TMC2: variants seen among roughly 807,000 people sequenced by gnomAD.
The protein encoded by TMC2 is transmembrane channel like 2.
TMC2 carries 102 observed loss-of-function variants against 105.9 expected under a neutral mutation model. The ratio of observed to expected loss-of-function variants is 0.96; its 90% CI spans 0.82 to 1.14. The LOEUF (loss-of-function observed/expected upper bound fraction) is 1.14. TMC2 is among the 50% of genes most tolerant of loss of function. TMC2 has a pLI of 0.00. For synonymous variants in TMC2, 402 were observed against 422.8 expected, an observed-to-expected ratio of 0.95 and a Z score of 0.60; for missense variants, 1,093 against 1,134.3, an observed-to-expected ratio of 0.96 and a Z score of 0.52.
chr20:2,589,788 G>A (rs946257808), intron 7 of TMC2, among the ~76,000 whole-genome samples: 5 of 152,116 alleles, frequency 3.3e-5, no homozygotes, highest in African/African-American at 1.2e-4. Flanking sequence ...TCCTGCCTCA[G>A]CCTCCCAAGT....
In TMC2 at chr20:2,558,626, G is replaced by C; in HGVS notation, c.253G>C (p.Glu85Gln). 3 of 1,564,644 alleles carry C rather than the reference G, an allele frequency of 1.9e-6. No individual in the cohort carries two copies. Among genetic ancestry groups the C allele is most frequent in the Middle Eastern group, 1.7e-4 (1 of 5,978 alleles). ...GRRRHREELG[E>Q]QERGEAERTC... is the part of the protein sequence containing the mutation. The stretch of plus-strand genomic sequence containing the variant: ...CAGGAGACACAGAGAAGAGCTGGGG[G>C]AGCAGGAGCGGGGCGAGGCAGAGAG... The change falls in exon 3 of 20, where the codon GAG (glutamate) becomes CAG (glutamine). Residue 85 changes from glutamate (E) to glutamine (Q), a missense_variant. Coordinates refer to ENST00000358864, the MANE Select transcript of TMC2 (RefSeq NM_080751.3). The surrounding 1 kb of genome is among the most constrained non-coding windows in gnomAD (Gnocchi z 4.6).
At chr20:2,549,338 G>A (rs1362900191) in intron 2 of TMC2, among the ~76,000 whole-genome samples, 2 of 152,158 alleles carry the variant, frequency 1.3e-5, no homozygotes, top group African/African-American at 2.4e-5. Context: ...TTATAGGCAC[G>A]AGCCACCGTG....
Position 2,558,445 on chromosome 20 carries a change from C to T in TMC2, c.83-11C>T, listed in dbSNP as rs1326147404. 3 of 1,552,628 alleles carry T rather than the reference C, an allele frequency of 1.9e-6. No homozygotes were observed. The highest frequency in any genetic ancestry group is 2.4e-5 in the South Asian group (2 of 84,106). On this transcript the variant is annotated splice_polypyrimidine_tract_variant and intron_variant, in intron 2 of 19. Coordinates refer to ENST00000358864, the MANE Select transcript of TMC2 (RefSeq NM_080751.3). The surrounding 1 kb of genome is among the most constrained non-coding windows in gnomAD (Gnocchi z 4.6). ...TTGGAACCAGAACTGTCCATTTTCC[C>T]GCCCCGGCAGGTGACAGGCTGGGAA...
chr20:2,591,656 C>T (rs1459786146), intron 7 of TMC2, among the ~76,000 whole-genome samples: 1 of 151,004 alleles, frequency 6.6e-6, no homozygotes, highest in African/African-American at 2.4e-5. Flanking sequence ...TGCAATGAGC[C>T]GAGATGGAGC....
At chr20:2,560,268 A>C (rs988370852) in intron 3 of TMC2, among the ~76,000 whole-genome samples, 2 of 23,816 alleles carry the variant, frequency 8.4e-5, no homozygotes, top group Admixed American at 3.8e-4. Flanking sequence ...AAGTATGGCA[A>C]AAAAAAAAAA....
At chr20:2,564,365 T>C (rs6036982) in intron 4 of TMC2, among the ~76,000 whole-genome samples, 99,765 of 151,736 alleles carry the variant, frequency 0.66, 33,543 homozygotes, top group African/African-American at 0.8. Flanking sequence ...TTAGCCAGGA[T>C]GGTCTCAATC....
At chr20:2,595,156 A>G (rs1292767142) in intron 9 of TMC2, among the ~76,000 whole-genome samples, 189 bp downstream of exon 9, 2 of 152,214 alleles carry the variant, frequency 1.3e-5, no homozygotes, top group Non-Finnish European at 1.5e-5. Context: ...TGTGCTGGGA[A>G]ATAGGATTGA....
rs147269126 is a variant in TMC2 at position 2,630,194 on chromosome 20, A to T, written c.2307-5732A>T. 2.4e-3 allele frequency among the ~76,000 whole-genome samples: 372 copies of T among 152,324 alleles called. 1 individual carries two copies. Among genetic ancestry groups the T allele is most frequent in the African/African-American group, 8.6e-3 (359 of 41,576 alleles). ...GCCTTGATAAATTCAAGGCTCAGGA[A>T]AAGGAGTCGATTGCATTGGATAGAA... On this transcript the variant is annotated intron_variant, in intron 17 of 19. Transcript: ENST00000358864.
intron 4 of TMC2, among the ~76,000 whole-genome samples, chr20:2,571,794 G>T (rs2086105076): frequency 6.6e-6 from 1 of 152,022 alleles, no homozygotes; most frequent in South Asian, 2.1e-4. Flanking sequence ...GAGCTCAGGA[G>T]GTCAAGAGCA....
intron 17 of TMC2, among the ~76,000 whole-genome samples, chr20:2,631,858 T>C (rs1467746981): frequency 6.6e-6 from 1 of 152,196 alleles, no homozygotes; most frequent in Non-Finnish European, 1.5e-5. Flanking sequence ...TATTCAAATA[T>C]TCTTTCTGAC....
At chr20:2,547,032 A>G (rs1331020712) in intron 2 of TMC2, among the ~76,000 whole-genome samples, 2 of 152,234 alleles carry the variant, frequency 1.3e-5, no homozygotes, top group African/African-American at 4.8e-5. Flanking sequence ...ATCTTGAAGT[A>G]TAACATATAA....
At position 2,558,626 on chromosome 20, in the gene TMC2, G is replaced by T; in HGVS notation, c.253G>T (p.Glu85Ter). ...GRRRHREELG[E>*]QERGEAERTC... is the part of the protein sequence containing the mutation. ...CAGGAGACACAGAGAAGAGCTGGGGGAGCAGGAGCGGGGCGAGGCAGAGAG... is the reference window on the plus strand; with the variant it reads ...CAGGAGACACAGAGAAGAGCTGGGGTAGCAGGAGCGGGGCGAGGCAGAGAG... The change falls in exon 3 of 20, where the codon GAG (glutamate) becomes TAG (stop). Residue 85 changes from glutamate to a stop codon, truncating the protein, a stop_gained. Transcript: ENST00000358864. LOFTEE classifies it high-confidence loss of function. The surrounding 1 kb of genome is among the most constrained non-coding windows in gnomAD (Gnocchi z 4.6). The T allele has an allele frequency of 6.4e-7, 1 of 1,564,644 alleles. No homozygotes were observed. Among genetic ancestry groups the T allele is most frequent in the Non-Finnish European group, 8.7e-7 (1 of 1,154,168 alleles).
Position 2,592,709 on chromosome 20 carries a change from C to T in TMC2, c.933+301C>T, listed in dbSNP as rs1453057151. Among the ~76,000 whole-genome samples the T allele has an allele frequency of 1.3e-5, 2 of 152,174 alleles. No individual in the cohort carries two copies. The highest frequency in any genetic ancestry group is 4.8e-5 in the African/African-American group (2 of 41,434). ...GTATGCTTTTCTTTCCTCATTCCCACATTAAGACCCCAGATCTATCTCCAC... is the reference window on the plus strand; with the variant it reads ...GTATGCTTTTCTTTCCTCATTCCCATATTAAGACCCCAGATCTATCTCCAC... On this transcript the variant is annotated intron_variant, in intron 8 of 19. Transcript: ENST00000358864. The surrounding 1 kb of genome is among the most constrained non-coding windows in gnomAD (Gnocchi z 4.9).
chr20:2,607,647 T>C (rs898351372), intron 11 of TMC2, among the ~76,000 whole-genome samples: 32 of 152,262 alleles, frequency 2.1e-4, no homozygotes, highest in African/African-American at 7.7e-4. Context: ...CTGTTTCTCT[T>C]GACCTTCTCT....
chr20:2,612,175 C>T lies in TMC2; in HGVS notation c.1594-16C>T, dbSNP rs2086445007. 4.4e-6 allele frequency: 7 copies of T among 1,578,422 alleles called. No homozygotes were observed. In the East Asian group the frequency reaches 1.4e-4, roughly 31 times the overall value. Reference sequence around the variant, plus strand: ...CCTAGCTCCTTCCTACCCCACACCTCCATCTTCTGTTCTAGCTTGCTAATG... The same window carrying T: ...CCTAGCTCCTTCCTACCCCACACCTTCATCTTCTGTTCTAGCTTGCTAATG... On this transcript the variant is annotated splice_polypyrimidine_tract_variant and intron_variant, in intron 12 of 19. Coordinates refer to ENST00000358864, the MANE Select transcript of TMC2 (RefSeq NM_080751.3).
At chr20:2,638,031 TA>T (rs1169555790) in intron 19 of TMC2, among the ~76,000 whole-genome samples, 4 of 152,184 alleles carry the variant, frequency 2.6e-5, no homozygotes, top group Non-Finnish European at 4.4e-5. Flanking sequence ...TAAACAAGCC[TA>T]CTGAGCTGCC....
intron 8 of TMC2, among the ~76,000 whole-genome samples, chr20:2,594,101 T>G (rs1371630541): frequency 2.0e-5 from 3 of 152,180 alleles, no homozygotes. Flanking sequence ...CTGGGAGGCA[T>G]GGCTGTAGTG....
At chr20:2,594,276 G>C (rs1568517353) in intron 8 of TMC2, among the ~76,000 whole-genome samples, 1 of 138,798 alleles carries the variant, frequency 7.2e-6, no homozygotes, top group African/African-American at 2.7e-5. Context: ...TGCCCAGGCT[G>C]GAGTGCACGG....
intron 10 of TMC2, among the ~76,000 whole-genome samples, chr20:2,599,254 T>G (rs2086332034): frequency 7.2e-6 from 1 of 138,740 alleles, no homozygotes; most frequent in South Asian, 2.2e-4. Context: ...AGTGACAGAG[T>G]GAGACTCTGG....
Sources: gnomAD v4.1 joint callset for allele counts (sites outside exome capture counted in the v4.1 genomes callset) on GRCh38, gnomAD v4.1.1 for gene constraint, Gnocchi (gnomAD v3.1) non-coding constraint, MANE v1.5 for transcripts, NCBI Gene and HGNC (gene_info 2026-07-23, HGNC 2026-07-21) for gene names.